The following ATRNL1 variants were observed in gnomAD, a reference collection of about 807,000 sequenced individuals.
The protein encoded by ATRNL1 is attractin-like protein 1.
ATRNL1 carries 95 observed loss-of-function variants against 182.7 expected under a neutral mutation model. The observed-to-expected ratio is 0.52, with a 90% CI of 0.44 to 0.62. ATRNL1 has a LOEUF of 0.62. ATRNL1 is among the 20% of genes least tolerant of loss of function. The pLI, the probability that ATRNL1 is intolerant of heterozygous loss-of-function variation, is 0.00. For synonymous variants in ATRNL1, 576 were observed against 568.3 expected (o/e 1.01, Z -0.19); for missense variants, 1,471 against 1,679.5 (o/e 0.88, Z 2.17).
intron 26 of ATRNL1, among the ~76,000 whole-genome samples, chr10:115,629,681 A>G (rs189345393): frequency 6.6e-6 from 1 of 152,300 alleles, no homozygotes; most frequent in African/African-American, 2.4e-5. Flanking sequence ...TCACTGAATC[A>G]TTAGTTGAAC....
chr10:115,769,364 C>G (rs1028180358), intron 27 of ATRNL1, among the ~76,000 whole-genome samples: 1 of 152,092 alleles, frequency 6.6e-6, no homozygotes, highest in Non-Finnish European at 1.5e-5. Flanking sequence ...TATACAGATA[C>G]CAACAACACT....
At chr10:115,410,779 C>T (rs1470947313) in intron 20 of ATRNL1, among the ~76,000 whole-genome samples, 3 of 152,084 alleles carry the variant, frequency 2.0e-5, no homozygotes, top group Non-Finnish European at 4.4e-5. Context: ...AACTTGTCAT[C>T]CAGGCTGGGG....
At chr10:115,171,427 A>G in intron 8 of ATRNL1, 135 bp downstream of exon 8, 2 of 767,208 alleles carry the variant, frequency 2.6e-6, no homozygotes, top group Non-Finnish European at 3.7e-6. Context: ...ATAATTTTTA[A>G]TATAAGCTTT....
chr10:115,204,164 G>A (rs77839663), intron 8 of ATRNL1, among the ~76,000 whole-genome samples: 2,679 of 151,836 alleles, frequency 0.018, 71 homozygotes, highest in East Asian at 0.08. Context: ...GCAAGTTTAC[G>A]GAATTTTTAA....
intron 27 of ATRNL1, among the ~76,000 whole-genome samples, chr10:115,829,160 C>T (rs1950505421): frequency 6.6e-6 from 1 of 151,566 alleles, no homozygotes; most frequent in South Asian, 2.1e-4. Flanking sequence ...TGCCACATAG[C>T]ATTTGAGGGA....
chr10:115,399,814 T>C lies in ATRNL1; in HGVS notation c.3269+5062T>C, dbSNP rs370574248. On this transcript the variant is annotated intron_variant, in intron 20 of 28. Coordinates refer to ENST00000355044, the MANE Select transcript of ATRNL1 (RefSeq NM_207303.4). ...TTTTTGATGTGGACATTTAGTGCTA[T>C]AAATTTCTCTCTTAAGACTTCCTGG... Among the ~76,000 whole-genome samples, 118 of 152,168 alleles carry C rather than the reference T, an allele frequency of 7.8e-4. 2 individuals are homozygous for C. In the South Asian group the frequency reaches 0.024, roughly 31 times the overall value.
chr10:115,506,121 G>T (rs1383219918), intron 24 of ATRNL1, among the ~76,000 whole-genome samples: 1 of 151,700 alleles, frequency 6.6e-6, no homozygotes, highest in African/African-American at 2.4e-5. Flanking sequence ...TTTCCCTTTT[G>T]CTGTCCATTT....
At chr10:115,914,600 C>T (rs112031119) in intron 28 of ATRNL1, among the ~76,000 whole-genome samples, 4 of 152,212 alleles carry the variant, frequency 2.6e-5, no homozygotes, top group Non-Finnish European at 5.9e-5. Context: ...ACCTTTCCTT[C>T]CTGTCACTTC....
intron 28 of ATRNL1, among the ~76,000 whole-genome samples, chr10:115,885,835 A>G (rs542515210): frequency 1.3e-5 from 2 of 152,178 alleles, no homozygotes; most frequent in Admixed American, 1.3e-4. Context: ...TTATTTAACC[A>G]GTTTTGATGG....
chr10:115,501,071 T>A (rs1849810286), intron 24 of ATRNL1, among the ~76,000 whole-genome samples: 1 of 151,906 alleles, frequency 6.6e-6, no homozygotes, highest in Non-Finnish European at 1.5e-5. Flanking sequence ...TAGCTGAGAT[T>A]ACAGGCACCC....
intron 26 of ATRNL1, among the ~76,000 whole-genome samples, chr10:115,694,998 A>G (rs975653761): frequency 3.9e-4 from 59 of 151,992 alleles, no homozygotes; most frequent in African/African-American, 1.4e-3. Context: ...CCTTAGAGAT[A>G]AAAGGGGTTG....
At chr10:115,933,043 A>G (rs1292944032) in intron 28 of ATRNL1, among the ~76,000 whole-genome samples, 1 of 152,226 alleles carries the variant, frequency 6.6e-6, no homozygotes, top group Non-Finnish European at 1.5e-5. Context: ...AGATCCCTTG[A>G]GAGAGATCAG....
rs182041952 is a variant in ATRNL1, at chr10:115,694,800, T to G, written c.3796-32448T>G. On this transcript the variant is annotated intron_variant, in intron 26 of 28. Transcript: ENST00000355044. ...TCTATGACTAGTCTAAATAAAAGATTCACTTTTCCTTGCTTTATTTTGGGA... is the reference window on the plus strand; with the variant it reads ...TCTATGACTAGTCTAAATAAAAGATGCACTTTTCCTTGCTTTATTTTGGGA... Among the ~76,000 whole-genome samples, 4 of 152,132 alleles carry G rather than the reference T, an allele frequency of 2.6e-5. No individual in the cohort carries two copies. The East Asian group carries it at 7.7e-4, about 29-fold the overall frequency.
intron 3 of ATRNL1, among the ~76,000 whole-genome samples, chr10:115,124,581 C>A (rs1844882963): frequency 6.6e-6 from 1 of 152,124 alleles, no homozygotes; most frequent in Admixed American, 6.6e-5. Context: ...ATCTCCAGCC[C>A]CTCCCATCCC....
At chr10:115,557,813 G>A (rs193188354) in intron 26 of ATRNL1, among the ~76,000 whole-genome samples, 3 of 152,228 alleles carry the variant, frequency 2.0e-5, no homozygotes, top group Admixed American at 6.5e-5. Flanking sequence ...TTGAGAGGCC[G>A]AGGCTGGCGG....
intron 15 of ATRNL1, among the ~76,000 whole-genome samples, chr10:115,289,373 G>A (rs1428265288): frequency 6.6e-6 from 1 of 152,100 alleles, no homozygotes; most frequent in Admixed American, 6.6e-5. Context: ...CTGTGCAGAA[G>A]CTTTTTATTT....
At chr10:115,207,409 T>C (rs1464173670) in intron 8 of ATRNL1, among the ~76,000 whole-genome samples, 2 of 152,168 alleles carry the variant, frequency 1.3e-5, no homozygotes, top group African/African-American at 4.8e-5. Flanking sequence ...TATCTCATTG[T>C]GGTTTTGGTT....
chr10:115,190,690 C>G (rs1336687234), intron 8 of ATRNL1, among the ~76,000 whole-genome samples: 1 of 151,922 alleles, frequency 6.6e-6, no homozygotes, highest in Non-Finnish European at 1.5e-5. Context: ...TCACTTCAAG[C>G]CTTTATTATT....
At chr10:115,490,506 A>G (rs1554976329) in intron 24 of ATRNL1, among the ~76,000 whole-genome samples, 1 of 151,912 alleles carries the variant, frequency 6.6e-6, no homozygotes, top group African/African-American at 2.4e-5. Context: ...CTTCCCCTTG[A>G]TTGATTCAGC....
Sources: allele counts gnomAD v4.1 joint callset (sites outside exome capture counted in the v4.1 genomes callset), GRCh38; gene constraint gnomAD v4.1.1; transcripts MANE v1.5; gene names NCBI Gene and HGNC (gene_info 2026-07-23, HGNC 2026-07-21).